LMNTD1: variants seen among roughly 807,000 people sequenced by gnomAD.
LMNTD1 encodes the protein lamin tail domain containing 1.
LMNTD1 carries 35 observed loss-of-function variants against 50.9 expected under a neutral mutation model. The ratio of observed to expected loss-of-function variants is 0.69; its 90% CI spans 0.53 to 0.91. The LOEUF is 0.91. Among genes scored for constraint, LMNTD1 ranks in the 40% least tolerant of loss-of-function variants. The pLI is 0.00. For synonymous variants in LMNTD1, 153 were observed against 161.9 expected (o/e 0.94, Z 0.42); for missense variants, 470 against 475.5 (o/e 0.99, Z 0.11).
chr12:25,536,631 A>G (rs901845836), intron 4 of LMNTD1, among the ~76,000 whole-genome samples: 1 of 152,222 alleles, frequency 6.6e-6, no homozygotes, highest in Non-Finnish European at 1.5e-5. Context: ...TAGTATCAAA[A>G]GAGAAGAAGG....
rs368773841 is a variant in LMNTD1 at position 25,565,101 on chromosome 12, T to C, written c.59-18547A>G. ...ATAATATCTTTTTCCATCCCTTTAT[T>C]TTTAGTCTATGTATGTTTTTATTCA... On this transcript the variant is annotated intron_variant, in intron 1 of 7. Transcript: ENST00000445693. Among the ~76,000 whole-genome samples the C allele has an allele frequency of 2.2e-4, 33 of 152,286 alleles. No individual in the cohort carries two copies. In the East Asian group the frequency reaches 6.0e-3, roughly 28 times the overall value.
chr12:25,500,415 C>A (rs1939319374), intron 9 of LMNTD1, among the ~76,000 whole-genome samples: 1 of 152,100 alleles, frequency 6.6e-6, no homozygotes, highest in African/African-American at 2.4e-5. Context: ...TTTGGACTGT[C>A]CAGTTTAGAC....
At chr12:25,619,631 AG>A (rs1946431816) in intron 1 of LMNTD1, among the ~76,000 whole-genome samples, 1 of 152,218 alleles carries the variant, frequency 6.6e-6, no homozygotes, top group African/African-American at 2.4e-5. Context: ...GATCCAGGAA[AG>A]AATGATCTAA....
intron 1 of LMNTD1, among the ~76,000 whole-genome samples, chr12:25,618,136 C>T (rs749403986): frequency 2.5e-4 from 38 of 152,126 alleles, no homozygotes; most frequent in Non-Finnish European, 5.4e-4. Flanking sequence ...TTTGTAACTT[C>T]CTGTTTGTCT....
At chr12:25,554,837 G>A (rs1943967760), upstream of LMNTD1, among the ~76,000 whole-genome samples, 1 of 152,192 alleles carries the variant, frequency 6.6e-6, no homozygotes, top group South Asian at 2.1e-4. Context: ...GCCAAAGGGA[G>A]TGAATTACTT....
At chr12:25,643,465 T>G (rs1946994188) in intron 1 of LMNTD1, among the ~76,000 whole-genome samples, 1 of 152,096 alleles carries the variant, frequency 6.6e-6, no homozygotes, top group Admixed American at 6.5e-5. Context: ...TTATAGACAA[T>G]AGAATATAGG....
At chr12:25,513,215 T>A (rs1469958877) in intron 8 of LMNTD1, among the ~76,000 whole-genome samples, 2 of 152,140 alleles carry the variant, frequency 1.3e-5, no homozygotes, top group African/African-American at 4.8e-5. Context: ...AAAATATGAA[T>A]AAGACAAAGT....
chr12:25,477,537 G>T (rs1014061680), intron 9 of LMNTD1, among the ~76,000 whole-genome samples: 1 of 152,104 alleles, frequency 6.6e-6, no homozygotes, highest in South Asian at 2.1e-4. Context: ...AAGAGATCAG[G>T]GATGAGATTA....
upstream of LMNTD1, among the ~76,000 whole-genome samples, chr12:25,556,469 C>T (rs527802524): frequency 2.6e-5 from 4 of 152,308 alleles, no homozygotes; most frequent in South Asian, 6.2e-4. Context: ...CTGCTTTACT[C>T]TTGTTCCATA....
intron 1 of LMNTD1, among the ~76,000 whole-genome samples, chr12:25,603,531 C>G (rs776440803): frequency 6.6e-5 from 10 of 151,964 alleles, no homozygotes; most frequent in Non-Finnish European, 1.0e-4. Context: ...CAGATTAATA[C>G]ACCTTTTTTA....
At chr12:25,569,252 A>T (rs527389359) in intron 1 of LMNTD1, among the ~76,000 whole-genome samples, 271 of 152,364 alleles carry the variant, frequency 1.8e-3, no homozygotes, top group African/African-American at 6.3e-3. Context: ...TGGAGCTTTA[A>T]AATTTAATGA....
chr12:25,604,910 G>A (rs960009350), intron 1 of LMNTD1, among the ~76,000 whole-genome samples: 1 of 152,164 alleles, frequency 6.6e-6, no homozygotes, highest in Admixed American at 6.5e-5. Flanking sequence ...CCAGATCCCT[G>A]AGGAATCACC....
intron 9 of LMNTD1, among the ~76,000 whole-genome samples, chr12:25,496,392 GCA>G (rs1939069324): frequency 6.6e-6 from 1 of 152,136 alleles, no homozygotes; most frequent in South Asian, 2.1e-4. Flanking sequence ...CATTATGACT[GCA>G]CAGTTTCCAT....
chr12:25,484,818 T>C (rs1938568045), intron 9 of LMNTD1, among the ~76,000 whole-genome samples: 1 of 143,982 alleles, frequency 6.9e-6, no homozygotes, highest in African/African-American at 2.6e-5. Flanking sequence ...TCCATGTCCC[T>C]ACAAAGGATG....
intron 2 of LMNTD1, among the ~76,000 whole-genome samples, chr12:25,550,829 C>T (rs1353456282): frequency 5.9e-5 from 9 of 152,144 alleles, no homozygotes; most frequent in Admixed American, 5.9e-4. Flanking sequence ...TTTAATGTGC[C>T]TCTCAGCAGA....
At chr12:25,508,960 A>G (rs533894164) in intron 8 of LMNTD1, among the ~76,000 whole-genome samples, 1 of 152,154 alleles carries the variant, frequency 6.6e-6, no homozygotes, top group Non-Finnish European at 1.5e-5. Flanking sequence ...AGGTGATTAT[A>G]TAATTTTCCT....
chr12:25,591,743 A>C (rs1245293621), intron 1 of LMNTD1, among the ~76,000 whole-genome samples: 5 of 148,244 alleles, frequency 3.4e-5, no homozygotes, highest in Non-Finnish European at 6.0e-5. Context: ...CTGACCCAGC[A>C]CACTTGTAGT....
At chr12:25,572,167 C>T (rs984765641) in intron 1 of LMNTD1, among the ~76,000 whole-genome samples, 7 of 152,160 alleles carry the variant, frequency 4.6e-5, no homozygotes, top group African/African-American at 1.4e-4. Context: ...ATAGAAAGAG[C>T]ATTGTCATAA....
intron 1 of LMNTD1, among the ~76,000 whole-genome samples, chr12:25,585,556 C>T (rs1281933957): frequency 1.3e-5 from 2 of 152,080 alleles, no homozygotes; most frequent in Admixed American, 6.5e-5. Context: ...AATCCTTTTC[C>T]CCCCAGGTAA....
Sources: allele counts gnomAD v4.1 joint callset (sites outside exome capture counted in the v4.1 genomes callset), GRCh38; gene constraint gnomAD v4.1.1; transcripts MANE v1.5; gene names NCBI Gene and HGNC (gene_info 2026-07-23, HGNC 2026-07-21).